The following MTHFD1 variants were observed in gnomAD, a reference collection of about 807,000 sequenced individuals.
MTHFD1 encodes the protein C-1-tetrahydrofolate synthase, cytoplasmic.
A neutral mutation model predicts 110.3 loss-of-function variants in MTHFD1; 44 were observed. The ratio of observed to expected loss-of-function variants is 0.40; its 90% CI spans 0.31 to 0.51. The LOEUF (loss-of-function observed/expected upper bound fraction) is 0.51, where lower values mean the gene tolerates loss of function less well. Among genes scored for constraint, MTHFD1 ranks in the 20% least tolerant of loss-of-function variants. The pLI, the probability that MTHFD1 is intolerant of heterozygous loss-of-function variation, is 0.60. For synonymous variants in MTHFD1, 402 were observed against 428.8 expected, an observed-to-expected ratio of 0.94 and a Z score of 0.77; for missense variants, 909 against 1,173.1, an observed-to-expected ratio of 0.77 and a Z score of 3.29.
At chr14:64,439,001 T>G in intron 16 of MTHFD1, 95 bp from the exon 17 acceptor site, 5 of 873,074 alleles carry the variant, frequency 5.7e-6, no homozygotes, top group Non-Finnish European at 9.8e-6. Flanking sequence ...TAGACAATCA[T>G]GAAATTAGAC....
At chr14:64,431,232 C>T (rs1049526585) in intron 13 of MTHFD1, among the ~76,000 whole-genome samples, 4 of 151,672 alleles carry the variant, frequency 2.6e-5, no homozygotes, top group African/African-American at 9.7e-5. Flanking sequence ...CACTTGGCTA[C>T]TTTTTATGTT....
chr14:64,430,113 G>A, intron 12 of MTHFD1, 71 bp from the exon 13 acceptor site: 1 of 1,255,150 alleles, frequency 8.0e-7, no homozygotes, highest in Non-Finnish European at 1.2e-6. Context: ...TAATGCATTT[G>A]CATTTATTTG....
In MTHFD1 at chr14:64,458,296, T is replaced by G; in HGVS notation, c.2801T>G (p.Leu934Ter). The change falls in exon 27 of 28, where the codon TTA becomes TGA. Residue 934 changes from leucine (L) to a stop codon, truncating the protein, a stop_gained. Coordinates refer to ENST00000652337, the MANE Select transcript of MTHFD1 (RefSeq NM_005956.4). LOFTEE classifies it high-confidence loss of function. ...LDPETEQVNG[L>*]F is the part of the protein sequence containing the mutation. ...CCTGAAACAGAACAGGTGAATGGAT[T>G]ATTCTAAACAGGTAAGTTGTTACTG... 1.9e-6 allele frequency: 3 copies of G among 1,611,484 alleles called. No individual in the cohort carries two copies.
At chr14:64,432,588 G>C (rs1394711274) in intron 15 of MTHFD1, among the ~76,000 whole-genome samples, 2 of 152,208 alleles carry the variant, frequency 1.3e-5, no homozygotes, top group Non-Finnish European at 2.9e-5. Flanking sequence ...ATTATGCTGG[G>C]TGAAAGAAGC....
At chr14:64,453,971 G>A in intron 25 of MTHFD1, 110 bp downstream of exon 25, 1 of 728,272 alleles carries the variant, frequency 1.4e-6, no homozygotes. Flanking sequence ...ACTTCTCTGG[G>A]TGGCAGCCTT....
In MTHFD1 at chr14:64,434,960, T is replaced by C. The variant is rs1194855384; in HGVS notation, c.1495-609T>C. 8.5e-3 allele frequency among the ~76,000 whole-genome samples: 1,166 copies of C among 137,228 alleles called. 23 individuals carry two copies. Among genetic ancestry groups the C allele is most frequent in the African/African-American group, 0.03 (1,106 of 36,764 alleles). 90.0% of individuals were successfully genotyped at this position (137,228 alleles called of 152,430 possible). ...GCTCTCCCTCTTTTCTTTTTTTTTTTTTTTTTTTTTTTTTTGAGATGGAGT... is the reference window on the plus strand; with the variant it reads ...GCTCTCCCTCTTTTCTTTTTTTTTTCTTTTTTTTTTTTTTTGAGATGGAGT... On this transcript the variant is annotated intron_variant, in intron 15 of 27. Transcript: ENST00000652337.
intron 14 of MTHFD1, 33 bp from the exon 15 acceptor site, chr14:64,431,754 C>T: frequency 1.2e-6 from 2 of 1,603,168 alleles, no homozygotes; most frequent in Non-Finnish European, 8.5e-7. Context: ...AGTGGGGCTC[C>T]TCTCATTTTA....
intron 2 of MTHFD1, among the ~76,000 whole-genome samples, chr14:64,409,617 GACCAAAGAGGAA>G (rs141204499): frequency 0.33 from 50,497 of 151,820 alleles, 9,664 homozygotes; most frequent in South Asian, 0.52. Context: ...CATAGAAAGT[GACCAAAGAGGAA>G]ACATGAGAGG....
chr14:64,451,279 C>T (rs1450437600), intron 24 of MTHFD1, among the ~76,000 whole-genome samples: 1 of 152,188 alleles, frequency 6.6e-6, no homozygotes, highest in East Asian at 1.9e-4. Context: ...GCCTCAGCCT[C>T]CCAAAGTGCT....
intron 7 of MTHFD1, among the ~76,000 whole-genome samples, chr14:64,418,953 C>T (rs1044657275): frequency 6.8e-6 from 1 of 146,434 alleles, no homozygotes; most frequent in Non-Finnish European, 1.5e-5. Context: ...AACTCCTGGG[C>T]TCGAGTGATC....
In MTHFD1 at chr14:64,425,754, T is replaced by G. The variant is rs774277434; in HGVS notation, c.880T>G (p.Phe294Val). 6.2e-7 allele frequency: 1 copy of G among 1,613,150 alleles called. No homozygotes were observed. The highest frequency in any genetic ancestry group is 8.5e-7 in the Non-Finnish European group (1 of 1,179,998). The part of the protein sequence containing the change: ...MQSTVESAKR[F>V]LEKFKPGKWM... ...GAGCACAGTAGAGAGTGCCAAGCGT[T>G]TCCTGGAGAAATTTAAGCCAGGAAA... Residue 294 changes from phenylalanine to valine, a missense_variant, in exon 10 of 28, where the codon TTC becomes GTC. Phe to Val is a conservative substitution (Grantham distance 50). This residue lies in a region of MTHFD1 where 424 missense variants were observed against 510.4 expected (regional missense o/e 0.83). Transcript: ENST00000652337.
At chr14:64,431,903 C>A in intron 15 of MTHFD1, 42 bp downstream of exon 15, 1 of 1,539,838 alleles carries the variant, frequency 6.5e-7, no homozygotes, top group Non-Finnish European at 9.0e-7. Context: ...TGTATGGAAT[C>A]TGGAATCTGA....
chr14:64,446,362 T>G (rs1013304476), intron 22 of MTHFD1, among the ~76,000 whole-genome samples: 1 of 152,240 alleles, frequency 6.6e-6, no homozygotes, highest in African/African-American at 2.4e-5. Flanking sequence ...TTTCATAACA[T>G]CTGCATGATA....
rs1169803186 is a variant in MTHFD1 at position 64,459,861 on chromosome 14, T to C, written c.*107T>C. The C allele has an allele frequency of 1.8e-5, 28 of 1,535,980 alleles. No homozygotes were observed. Among genetic ancestry groups the C allele is most frequent in the Admixed American group, 3.9e-5 (2 of 50,988 alleles). ...AAGTAAGCCAAGAGAAGTCAGCCCC[T>C]GCCCAGAAGATCTGAAACTAATAGT... On this transcript the variant is annotated 3_prime_UTR_variant, in exon 28 of 28. Transcript: ENST00000652337.
chr14:64,412,411 G>C lies in MTHFD1; in HGVS notation c.187-61G>C, dbSNP rs116236509. On this transcript the variant is annotated intron_variant, in intron 3 of 27. Coordinates refer to ENST00000652337, the MANE Select transcript of MTHFD1 (RefSeq NM_005956.4). ...TTGCTTGTTAGTCATGTCTGTAAAA[G>C]AAATGGTTCAATATCTCAAGTTGTC... 6.6e-4 allele frequency: 829 copies of C among 1,249,818 alleles called. 3 individuals carry two copies. In the African/African-American group the frequency reaches 0.011, roughly 17 times the overall value. The allele number at this position is 1,249,818 out of a possible 1,614,324, so 77.4% of individuals were successfully genotyped here. A position where few individuals can be genotyped will look rare whatever the true frequency, so the allele number is the denominator to read the frequency against.
chr14:64,451,658 A>G lies in MTHFD1; in HGVS notation c.2457+2036A>G, dbSNP rs80234857. ...CCCAGTCCTTGAAAACCAGCAGGAG[A>G]CCTGAAAGAGCAGGGACATATGGAC... On this transcript the variant is annotated intron_variant, in intron 24 of 27. Coordinates refer to ENST00000652337, the MANE Select transcript of MTHFD1 (RefSeq NM_005956.4). 7.2e-5 allele frequency among the ~76,000 whole-genome samples: 11 copies of G among 152,328 alleles called. No homozygotes were observed. The East Asian group carries it at 1.7e-3, about 24-fold the overall frequency.
At chr14:64,411,210 C>T (rs894496998) in intron 3 of MTHFD1, 61 bp downstream of exon 3, 3 of 1,304,792 alleles carry the variant, frequency 2.3e-6, no homozygotes, top group Non-Finnish European at 3.3e-6. Flanking sequence ...CTATCGATTA[C>T]CCCTTGCCCT....
Position 64,441,622 on chromosome 14 carries a change from T to C in MTHFD1, c.1884+169T>C, listed in dbSNP as rs3742611. 2,576 of 648,828 alleles carry C rather than the reference T, an allele frequency of 4.0e-3. 13 individuals are homozygous for C. The highest frequency in any genetic ancestry group is 4.1e-3 in the South Asian group (264 of 63,954). 40.2% of individuals were successfully genotyped at this position (648,828 alleles called of 1,614,324 possible). ...GAGATCGAGACCATCCTGGCTAACA[T>C]GGTGAAACCCCGTCTCTACTAAAAA... On this transcript the variant is annotated intron_variant, in intron 19 of 27. Coordinates refer to ENST00000652337, the MANE Select transcript of MTHFD1 (RefSeq NM_005956.4).
chr14:64,439,431 A>G (rs2078231412), intron 17 of MTHFD1: 2 of 516,906 alleles, frequency 3.9e-6, no homozygotes, highest in East Asian at 3.4e-5. Flanking sequence ...CCTTGCATAG[A>G]AATTGATTAA....
Sources: allele counts gnomAD v4.1 joint callset (sites outside exome capture counted in the v4.1 genomes callset), GRCh38; gene constraint gnomAD v4.1.1; regional missense constraint gnomAD v4.1.1; transcripts MANE v1.5; gene names NCBI Gene and HGNC (gene_info 2026-07-23, HGNC 2026-07-21).